PCID2: variants seen among roughly 807,000 people sequenced by gnomAD.
PCID2 encodes PCI domain-containing protein 2.
PCID2 carries 41 observed loss-of-function variants against 61.3 expected under a neutral mutation model. The ratio of observed to expected loss-of-function variants is 0.67; its 90% CI spans 0.52 to 0.87. The LOEUF (loss-of-function observed/expected upper bound fraction) is 0.87, where lower values mean the gene tolerates loss of function less well. PCID2 is among the 40% of genes least tolerant of loss of function. PCID2 has a pLI of 0.00. For synonymous variants in PCID2, 187 were observed against 177.8 expected (o/e 1.05, Z -0.41); for missense variants, 392 against 493.4 (o/e 0.79, Z 1.95).
intron 6 of PCID2, 118 bp from the exon 7 acceptor site, chr13:113,191,093 A>T: frequency 1.7e-6 from 1 of 572,168 alleles, no homozygotes; most frequent in Non-Finnish European, 3.0e-6. Context: ...CCTGGGCTCC[A>T]CTGATCTTCC....
At chr13:113,205,970 G>A (rs968038750) in intron 1 of PCID2, among the ~76,000 whole-genome samples, 8 of 152,172 alleles carry the variant, frequency 5.3e-5, no homozygotes, top group Non-Finnish European at 1.0e-4. Flanking sequence ...TACTTCGGTG[G>A]GGCAATGGTG....
At position 113,179,615 on chromosome 13, in the gene PCID2, T is replaced by C. The variant is rs371300688; in HGVS notation, c.986+302A>G. Among the ~76,000 whole-genome samples the C allele has an allele frequency of 7.2e-5, 11 of 151,886 alleles. No individual in the cohort carries two copies. The highest frequency in any genetic ancestry group is 2.7e-4 in the African/African-American group (11 of 41,404). On this transcript the variant is annotated intron_variant, in intron 12 of 13. Coordinates refer to ENST00000337344, the MANE Select transcript of PCID2 (RefSeq NM_001127202.4). The surrounding 1 kb of genome is among the most constrained non-coding windows in gnomAD (Gnocchi z 4.3). ...CTAAGGGAGGGGAGTGAGTGGCGAG[T>C]CCTGTGTGCTCTGATGAAATGTGGT...
intron 9 of PCID2, chr13:113,184,113 G>A (rs1041038402): frequency 1.3e-5 from 9 of 702,454 alleles, no homozygotes; most frequent in Non-Finnish European, 1.6e-5. Context: ...ACTCAGAAAC[G>A]ATGTCTGTAA....
chr13:113,203,742 G>A (rs547800242), intron 1 of PCID2, among the ~76,000 whole-genome samples: 2 of 152,156 alleles, frequency 1.3e-5, no homozygotes, highest in African/African-American at 2.4e-5. Flanking sequence ...ATGGAACAGC[G>A]CCCTCAAGGA....
chr13:113,178,351 G>A (rs1566937567), intron 13 of PCID2, 64 bp from the exon 14 acceptor site: 22 of 1,211,078 alleles, frequency 1.8e-5, no homozygotes, highest in Non-Finnish European at 2.7e-5. Flanking sequence ...AAAGATGCTG[G>A]GTGATCTAAT....
rs1484286877 is a variant in PCID2, at chr13:113,179,446, T to C, written c.987-357A>G. On this transcript the variant is annotated intron_variant, in intron 12 of 13. Transcript: ENST00000337344. The surrounding 1 kb of genome is among the most constrained non-coding windows in gnomAD (Gnocchi z 4.3). ...TTGTGACGTGCTACCCACAGCTCTATACAAAGTTGGCCTTTGCCTGAAGTT... is the reference window on the plus strand; with the variant it reads ...TTGTGACGTGCTACCCACAGCTCTACACAAAGTTGGCCTTTGCCTGAAGTT... 6.6e-6 allele frequency among the ~76,000 whole-genome samples: 1 copy of C among 152,136 alleles called. No individual in the cohort carries two copies. The highest frequency in any genetic ancestry group is 2.4e-5 in the African/African-American group (1 of 41,438).
At chr13:113,170,928 CTT>C in the PCID2 span, among the ~76,000 whole-genome samples, 9 of 146,546 alleles carry the variant, frequency 6.1e-5, no homozygotes, top group East Asian at 6.0e-4. Context: ...CTATTTCTTT[CTT>C]TTTTTTTTTT....
At chr13:113,202,123 G>A (rs986694188) in intron 1 of PCID2, among the ~76,000 whole-genome samples, 8 of 152,172 alleles carry the variant, frequency 5.3e-5, no homozygotes, top group South Asian at 2.1e-4. Context: ...TAAATTTTTA[G>A]AAGAAAATTG....
At chr13:113,193,978 G>A (rs2038812276) in intron 6 of PCID2, among the ~76,000 whole-genome samples, 1 of 152,152 alleles carries the variant, frequency 6.6e-6, no homozygotes, top group Non-Finnish European at 1.5e-5. Flanking sequence ...GACATTTGAG[G>A]CACTACCTGA....
intron 13 of PCID2, 106 bp from the exon 14 acceptor site, chr13:113,178,393 G>A (rs755427423): frequency 2.1e-5 from 16 of 765,146 alleles, no homozygotes; most frequent in Non-Finnish European, 2.7e-5. Context: ...CCCCAAGAGC[G>A]GCACAGTTCA....
intron 1 of PCID2, 67 bp from the exon 2 acceptor site, chr13:113,200,583 A>C: frequency 1.0e-6 from 1 of 997,312 alleles, no homozygotes; most frequent in Non-Finnish European, 1.6e-6. Flanking sequence ...ACCTACAACA[A>C]TACACTGAAT....
chr13:113,196,916 C>A, intron 4 of PCID2: 1 of 891,160 alleles, frequency 1.1e-6, no homozygotes. Context: ...CTAAAGGCAA[C>A]AAAGCATTCT....
the PCID2 span, chr13:113,171,881 T>C: frequency 2.0e-5 from 33 of 1,611,926 alleles, no homozygotes; most frequent in Admixed American, 3.3e-5. The surrounding 1 kb of genome is among the most constrained non-coding windows in gnomAD (Gnocchi z 5.1). Context: ...GGGGGAGGAG[T>C]GCGGGCAGGT....
intron 6 of PCID2, among the ~76,000 whole-genome samples, chr13:113,191,337 A>G (rs2038601055): frequency 6.6e-6 from 1 of 152,114 alleles, no homozygotes. Flanking sequence ...CCCAGCCAAA[A>G]CATTTATTTC....
downstream of PCID2, among the ~76,000 whole-genome samples, chr13:113,177,004 C>A (rs983314848): frequency 2.6e-5 from 4 of 152,312 alleles, no homozygotes; most frequent in Non-Finnish European, 5.9e-5. Flanking sequence ...CCCAACTTAG[C>A]GACTGTCAAC....
chr13:113,179,624 C>T lies in PCID2; in HGVS notation c.986+293G>A, dbSNP rs1175191136. Among the ~76,000 whole-genome samples, 1 of 152,132 alleles carries T rather than the reference C, an allele frequency of 6.6e-6. No homozygotes were observed. ...GGGAGTGAGTGGCGAGTCCTGTGTG[C>T]TCTGATGAAATGTGGTACCGCGGCT... On this transcript the variant is annotated intron_variant, in intron 12 of 13. Coordinates refer to ENST00000337344, the MANE Select transcript of PCID2 (RefSeq NM_001127202.4). This position sits in a 1 kb window ranked among gnomAD's most constrained non-coding sequence, Gnocchi z 4.3.
the PCID2 span, among the ~76,000 whole-genome samples, chr13:113,165,660 AG>A: frequency 4.6e-4 from 70 of 152,310 alleles, 1 homozygote; most frequent in Non-Finnish European, 1.5e-4. Flanking sequence ...CCTCCTGAGT[AG>A]CTGGGATTAC....
chr13:113,166,550 A>T, the PCID2 span: 2 of 152,208 alleles, frequency 1.3e-5, no homozygotes, highest in African/African-American at 4.8e-5. Flanking sequence ...AACAGGATGG[A>T]GCTCAAGGAC....
intron 4 of PCID2, 163 bp downstream of exon 4, chr13:113,197,015 G>T (rs958365577): frequency 1.9e-6 from 3 of 1,605,068 alleles, no homozygotes; most frequent in Non-Finnish European, 2.6e-6. Context: ...CTAAATTTAA[G>T]TACCCAAGTG....
Sources: gnomAD v4.1 joint callset for allele counts (sites outside exome capture counted in the v4.1 genomes callset) on GRCh38, gnomAD v4.1.1 for gene constraint, Gnocchi (gnomAD v3.1) non-coding constraint, MANE v1.5 for transcripts, NCBI Gene and HGNC (gene_info 2026-07-23, HGNC 2026-07-21) for gene names.